SGCD: variants seen among roughly 807,000 people sequenced by gnomAD.
SGCD encodes the protein sarcoglycan delta, also known as delta-sarcoglycan.
SGCD carries 18 observed loss-of-function variants against 36.6 expected under a neutral mutation model. The ratio of observed to expected loss-of-function variants is 0.49; its 90% confidence interval spans 0.34 to 0.73. The LOEUF is 0.73. Among genes scored for constraint, SGCD ranks in the 30% least tolerant of loss-of-function variants. The pLI, the probability that SGCD is intolerant of heterozygous loss-of-function variation, is 0.01. For synonymous variants in SGCD, 133 were observed against 130.6 expected (o/e 1.02, Z -0.12); for missense variants, 387 against 346.7 (o/e 1.12, Z -0.92).
the SGCD span, among the ~76,000 whole-genome samples, chr5:155,759,590 C>T: frequency 6.6e-6 from 1 of 152,156 alleles, no homozygotes; most frequent in Non-Finnish European, 1.5e-5. Context: ...TACAAGATAG[C>T]ACATGGGCAA....
intron 1 of SGCD, among the ~76,000 whole-genome samples, chr5:155,961,224 A>G (rs1361940172): frequency 6.6e-6 from 1 of 152,092 alleles, no homozygotes; most frequent in Non-Finnish European, 1.5e-5. Flanking sequence ...CTTAAAGAAC[A>G]AAAATAAATA....
chr5:156,510,466 C>G (rs1284078975), intron 4 of SGCD, among the ~76,000 whole-genome samples: 1 of 152,182 alleles, frequency 6.6e-6, no homozygotes, highest in East Asian at 1.9e-4. Flanking sequence ...TGACCTATTT[C>G]TAGTTGAACT....
intron 4 of SGCD, among the ~76,000 whole-genome samples, chr5:156,566,113 C>T (rs1370033774): frequency 6.6e-6 from 1 of 152,110 alleles, no homozygotes; most frequent in Non-Finnish European, 1.5e-5. Flanking sequence ...CATCACTGGT[C>T]ATTAGAGAAA....
chr5:156,737,590 G>C (rs533869914), intron 7 of SGCD, among the ~76,000 whole-genome samples: 2 of 152,230 alleles, frequency 1.3e-5, no homozygotes, highest in South Asian at 4.2e-4. Context: ...TCCCCACAGA[G>C]AGGGATTCCT....
chr5:156,698,785 G>A (rs1754415036), intron 7 of SGCD, among the ~76,000 whole-genome samples: 1 of 150,324 alleles, frequency 6.7e-6, no homozygotes, highest in Admixed American at 6.7e-5. Flanking sequence ...TTCTCTGTCT[G>A]TACAAGAGAA....
intron 1 of SGCD, among the ~76,000 whole-genome samples, chr5:155,912,233 A>G (rs890420851): frequency 3.9e-5 from 6 of 152,088 alleles, no homozygotes; most frequent in Admixed American, 1.3e-4. Context: ...AAGCAGCTCT[A>G]CAGAGTGAGT....
At chr5:155,966,949 G>GTGTGTGTGTA (rs1392715798) in intron 1 of SGCD, among the ~76,000 whole-genome samples, 1 of 151,262 alleles carries the variant, frequency 6.6e-6, no homozygotes, top group Non-Finnish European at 1.5e-5. Flanking sequence ...GTGTGTGTGT[G>GTGTGTGTGTA]TGTGTGTGTA....
the SGCD span, among the ~76,000 whole-genome samples, chr5:155,815,728 C>T: frequency 2.0e-5 from 3 of 152,130 alleles, no homozygotes; most frequent in African/African-American, 4.8e-5. Context: ...CTCATGAGAA[C>T]TCACTCACTG....
intron 1 of SGCD, among the ~76,000 whole-genome samples, chr5:156,056,667 A>G (rs1200152222): frequency 7.1e-6 from 1 of 141,310 alleles, no homozygotes; most frequent in Admixed American, 7.1e-5. Flanking sequence ...AAAAAAAAAC[A>G]GTCTCCAAAT....
intron 4 of SGCD, among the ~76,000 whole-genome samples, chr5:156,521,876 T>C (rs1757424702): frequency 6.6e-6 from 1 of 152,156 alleles, no homozygotes; most frequent in East Asian, 1.9e-4. Context: ...GATCATTCCA[T>C]TATAAAGATA....
In SGCD at chr5:156,595,000, T is replaced by C; in HGVS notation, c.451T>C (p.Ser151Pro). Reference sequence around the variant, plus strand: ...AACTGTTTCTGGAAAATTGCTCTTCTCTGCAGACAATAATGAAGTGGTAGT... The same window carrying C: ...AACTGTTTCTGGAAAATTGCTCTTCCCTGCAGACAATAATGAAGTGGTAGT... ...VKTVSGKLLF[S>P]ADNNEVVVGA... The change falls in exon 6 of 9, where the codon TCT (serine) becomes CCT (proline). Residue 151 changes from serine (S) to proline (P), a missense_variant. Ser to Pro is a moderately conservative substitution (Grantham distance 74). Coordinates refer to ENST00000337851, the MANE Select transcript of SGCD (RefSeq NM_000337.6). 6.2e-7 allele frequency: 1 copy of C among 1,612,690 alleles called. No homozygotes were observed. The highest frequency in any genetic ancestry group is 8.5e-7 in the Non-Finnish European group (1 of 1,179,026).
chr5:156,752,737 T>C (rs1757196551), intron 7 of SGCD, among the ~76,000 whole-genome samples: 1 of 152,238 alleles, frequency 6.6e-6, no homozygotes, highest in Non-Finnish European at 1.5e-5. Flanking sequence ...TATATTATTT[T>C]GTGTCTATTC....
At chr5:156,248,444 G>A (rs1347423595) in intron 3 of SGCD, among the ~76,000 whole-genome samples, 5 of 152,062 alleles carry the variant, frequency 3.3e-5, no homozygotes, top group South Asian at 2.1e-4. Flanking sequence ...ACTTGAACCC[G>A]GGAGGCAGAG....
chr5:156,689,496 G>C (rs1389419991), intron 7 of SGCD, among the ~76,000 whole-genome samples: 2 of 152,166 alleles, frequency 1.3e-5, no homozygotes, highest in Non-Finnish European at 2.9e-5. Context: ...AGGCAAAGGA[G>C]ATCAAGGGGG....
intron 6 of SGCD, among the ~76,000 whole-genome samples, chr5:156,597,279 A>G (rs1041014886): frequency 1.3e-5 from 2 of 150,720 alleles, no homozygotes; most frequent in African/African-American, 5.0e-5. Context: ...GTAGGCGAGT[A>G]TATTAGTCTG....
At chr5:156,744,561 C>T (rs1581518079) in intron 7 of SGCD, among the ~76,000 whole-genome samples, 1 of 152,196 alleles carries the variant, frequency 6.6e-6, no homozygotes, top group East Asian at 1.9e-4. Context: ...ATTCCCATCC[C>T]ACTGACTTCA....
intron 1 of SGCD, among the ~76,000 whole-genome samples, chr5:156,071,116 G>C (rs1375784979): frequency 2.0e-5 from 3 of 152,130 alleles, no homozygotes; most frequent in African/African-American, 7.2e-5. Flanking sequence ...AGGGTTTTTT[G>C]TGTCTCTATT....
At chr5:156,021,022 G>A (rs1759084860) in intron 1 of SGCD, among the ~76,000 whole-genome samples, 1 of 152,076 alleles carries the variant, frequency 6.6e-6, no homozygotes, top group Admixed American at 6.6e-5. Flanking sequence ...TCCACAAATT[G>A]TCTTTGCAAT....
chr5:155,761,827 C>G, the SGCD span, among the ~76,000 whole-genome samples: 1 of 152,040 alleles, frequency 6.6e-6, no homozygotes, highest in African/African-American at 2.4e-5. Context: ...TTTCCATCAC[C>G]TTCTCCATCA....
Sources: gnomAD v4.1 joint callset for allele counts (sites outside exome capture counted in the v4.1 genomes callset) on GRCh38, gnomAD v4.1.1 for gene constraint, MANE v1.5 for transcripts, NCBI Gene and HGNC (gene_info 2026-07-23, HGNC 2026-07-21) for gene names.